TNIK: variants seen among roughly 807,000 people sequenced by gnomAD.
The protein encoded by TNIK is TRAF2 and NCK-interacting protein kinase.
A neutral mutation model predicts 191.3 loss-of-function variants in TNIK; 49 were observed. The ratio of observed to expected loss-of-function variants is 0.26; its 90% confidence interval spans 0.20 to 0.32. The LOEUF (loss-of-function observed/expected upper bound fraction) is 0.32. Ranked by LOEUF, TNIK falls within the 10% of genes least tolerant of loss-of-function variation. The pLI, the probability that TNIK is intolerant of heterozygous loss-of-function variation, is 1.00. For missense variants in TNIK, 1,155 were observed against 1,702.3 expected, an observed-to-expected ratio of 0.68 and a Z score of 5.66; for synonymous variants, 594 against 600.9, an observed-to-expected ratio of 0.99 and a Z score of 0.17.
At chr3:171,386,708 A>G (rs1194018973) in intron 1 of TNIK, among the ~76,000 whole-genome samples, 2 of 152,214 alleles carry the variant, frequency 1.3e-5, no homozygotes, top group African/African-American at 4.8e-5. Context: ...AGATTTCAAG[A>G]AAAGTAATAA....
At chr3:171,306,973 C>T (rs1753519666) in intron 2 of TNIK, among the ~76,000 whole-genome samples, 1 of 152,106 alleles carries the variant, frequency 6.6e-6, no homozygotes, top group African/African-American at 2.4e-5. Flanking sequence ...ACAAAGTCAA[C>T]AGCATGCTTC....
chr3:171,459,976 C>A, intron 1 of TNIK, 31 bp downstream of exon 1: 3 of 1,598,814 alleles, frequency 1.9e-6, no homozygotes, highest in Admixed American at 1.7e-5. Flanking sequence ...ACCCAAACCA[C>A]TGGAAAGAAA....
chr3:171,269,216 G>A (rs1748786342), intron 2 of TNIK, among the ~76,000 whole-genome samples: 1 of 151,896 alleles, frequency 6.6e-6, no homozygotes, highest in African/African-American at 2.4e-5. Flanking sequence ...TTTATTTAGA[G>A]AGTAGCTAGT....
intron 1 of TNIK, among the ~76,000 whole-genome samples, chr3:171,400,886 C>G (rs1720872465): frequency 6.6e-6 from 1 of 152,154 alleles, no homozygotes; most frequent in African/African-American, 2.4e-5. Context: ...TGATCTCTAC[C>G]AGATTCAGGG....
chr3:171,112,640 G>T (rs916438231), intron 18 of TNIK, among the ~76,000 whole-genome samples: 4 of 151,598 alleles, frequency 2.6e-5, no homozygotes, highest in Non-Finnish European at 4.4e-5. Flanking sequence ...AGTTGCTGGG[G>T]TTTTTTTCTT....
At chr3:171,290,858 T>TAGGA (rs796333999) in intron 2 of TNIK, among the ~76,000 whole-genome samples, 5 of 152,000 alleles carry the variant, frequency 3.3e-5, no homozygotes, top group Non-Finnish European at 7.4e-5. Flanking sequence ...GCCAGATAAG[T>TAGGA]AGGAAGGAAG....
intron 2 of TNIK, among the ~76,000 whole-genome samples, chr3:171,349,891 T>C (rs1418130368): frequency 6.6e-6 from 1 of 152,194 alleles, no homozygotes; most frequent in Non-Finnish European, 1.5e-5. Context: ...TGTCTTAAAA[T>C]TGTTAAATCT....
At chr3:171,424,089 C>T (rs1025316372) in intron 1 of TNIK, among the ~76,000 whole-genome samples, 1 of 152,092 alleles carries the variant, frequency 6.6e-6, no homozygotes, top group Non-Finnish European at 1.5e-5. Flanking sequence ...ACTCATCTGA[C>T]AAAGGGCTAA....
chr3:171,290,627 ATCT>A (rs1237753015), intron 2 of TNIK, among the ~76,000 whole-genome samples: 1 of 152,200 alleles, frequency 6.6e-6, no homozygotes, highest in Non-Finnish European at 1.5e-5. Flanking sequence ...TCCCACAGTC[ATCT>A]TTGTAATTTG....
chr3:171,165,968 G>A (rs1734573292), intron 10 of TNIK, among the ~76,000 whole-genome samples: 1 of 152,172 alleles, frequency 6.6e-6, no homozygotes, highest in South Asian at 2.1e-4. Flanking sequence ...CCTTGGTCAT[G>A]GCGCAGTCAA....
chr3:171,157,716 T>C (rs1394845347), intron 11 of TNIK, 52 bp from the exon 12 acceptor site: 42 of 1,525,846 alleles, frequency 2.8e-5, no homozygotes, highest in Non-Finnish European at 3.6e-5. Context: ...GGGCCATGGC[T>C]ACCAAGAGGC....
intron 1 of TNIK, among the ~76,000 whole-genome samples, chr3:171,425,758 G>A (rs1274865989): frequency 2.7e-5 from 4 of 150,158 alleles, no homozygotes; most frequent in Non-Finnish European, 4.4e-5. Context: ...AACCCGGGAA[G>A]TAGAAATTGC....
intron 4 of TNIK, among the ~76,000 whole-genome samples, chr3:171,198,814 T>C (rs1018542253): frequency 1.3e-5 from 2 of 152,206 alleles, no homozygotes; most frequent in African/African-American, 4.8e-5. Flanking sequence ...AAACATCTTT[T>C]GATAGCAGGA....
At chr3:171,155,512 T>C (rs764780993) in intron 12 of TNIK, among the ~76,000 whole-genome samples, 12 of 152,216 alleles carry the variant, frequency 7.9e-5, no homozygotes, top group Non-Finnish European at 2.9e-5. Context: ...GCAAAAGGCT[T>C]GTGCCCTCAT....
chr3:171,415,986 A>AAAAG (rs1723003487), intron 1 of TNIK, among the ~76,000 whole-genome samples: 1 of 147,722 alleles, frequency 6.8e-6, no homozygotes, highest in Non-Finnish European at 1.5e-5. Flanking sequence ...AAAAAAAAAA[A>AAAAG]AAAAAAAAAA....
intron 2 of TNIK, among the ~76,000 whole-genome samples, chr3:171,334,969 T>C (rs1187515778): frequency 6.7e-6 from 1 of 149,674 alleles, no homozygotes; most frequent in Non-Finnish European, 1.5e-5. Flanking sequence ...TCATTTGAAG[T>C]GACTTTCAGA....
chr3:171,174,805 C>T (rs566979514), intron 9 of TNIK, among the ~76,000 whole-genome samples: 2 of 152,116 alleles, frequency 1.3e-5, no homozygotes, highest in Admixed American at 6.5e-5. Context: ...TGCTCATACA[C>T]GAGCCAGAGA....
At chr3:171,231,576 T>C (rs762901642) in intron 2 of TNIK, among the ~76,000 whole-genome samples, 1 of 152,138 alleles carries the variant, frequency 6.6e-6, no homozygotes, top group Non-Finnish European at 1.5e-5. Flanking sequence ...GATGCTGAGC[T>C]GTCACATTTT....
At chr3:171,317,102 T>C (rs1754722008) in intron 2 of TNIK, among the ~76,000 whole-genome samples, 1 of 151,838 alleles carries the variant, frequency 6.6e-6, no homozygotes, top group Non-Finnish European at 1.5e-5. Flanking sequence ...GTCCTAAATT[T>C]CTTCTCCAGA....
Sources: gnomAD v4.1 joint callset for allele counts (sites outside exome capture counted in the v4.1 genomes callset) on GRCh38, gnomAD v4.1.1 for gene constraint, MANE v1.5 for transcripts, NCBI Gene and HGNC (gene_info 2026-07-23, HGNC 2026-07-21) for gene names.